The following RBM47 variants were observed in gnomAD, a reference collection of about 807,000 sequenced individuals.
The protein encoded by RBM47 is RNA binding motif protein 47.
Under a neutral mutation model 47.1 loss-of-function variants are expected in RBM47, and 21 were observed. The observed-to-expected ratio is 0.45, with a 90% CI of 0.32 to 0.64. The LOEUF (loss-of-function observed/expected upper bound fraction) is 0.64. Ranked by LOEUF, RBM47 falls within the 30% of genes least tolerant of loss-of-function variation. RBM47 has a pLI of 0.05. For missense variants in RBM47, 708 were observed against 870.9 expected, an observed-to-expected ratio of 0.81 and a Z score of 2.35; for synonymous variants, 375 against 361.7, an observed-to-expected ratio of 1.04 and a Z score of -0.42.
chr4:40,558,059 T>C (rs972881064), intron 1 of RBM47, among the ~76,000 whole-genome samples: 1 of 152,222 alleles, frequency 6.6e-6, no homozygotes, highest in African/African-American at 2.4e-5. Context: ...AAAGCTCCCA[T>C]AGTGGAGTTT....
At chr4:40,484,993 C>CTT (rs368591791) in intron 2 of RBM47, among the ~76,000 whole-genome samples, 3 of 151,070 alleles carry the variant, frequency 2.0e-5, no homozygotes, top group Admixed American at 6.6e-5. Flanking sequence ...AAGATTGTCT[C>CTT]TTTTTTTTTG....
intron 1 of RBM47, among the ~76,000 whole-genome samples, chr4:40,626,820 A>G (rs1294296325): frequency 6.6e-6 from 1 of 152,054 alleles, no homozygotes; most frequent in African/African-American, 2.4e-5. Context: ...ATTCAGGACC[A>G]CACACAAAAA....
chr4:40,568,428 C>CAAAAAAAAAAAAAAAAAAAAAAAAAAAA (rs35434439), intron 1 of RBM47, among the ~76,000 whole-genome samples: 1 of 57,578 alleles, frequency 1.7e-5, no homozygotes, highest in Non-Finnish European at 3.3e-5. Context: ...AACCCTGTCT[C>CAAAAAAAAAAAAAAAAAAAAAAAAAAAA]AAAAAAAAAA....
intron 1 of RBM47, among the ~76,000 whole-genome samples, chr4:40,563,613 T>G (rs1730835873): frequency 6.6e-6 from 1 of 152,240 alleles, no homozygotes; most frequent in African/African-American, 2.4e-5. Flanking sequence ...CCTTTCCCAC[T>G]GCACACATGG....
At chr4:40,630,374 C>G (rs1738120736), upstream of RBM47, 1 of 152,372 alleles carries the variant, frequency 6.6e-6, no homozygotes, top group Admixed American at 6.5e-5. Flanking sequence ...TTCTTCCCCC[C>G]ATAAACAAGT....
chr4:40,493,455 C>T (rs1160680895), intron 2 of RBM47, among the ~76,000 whole-genome samples: 1 of 152,142 alleles, frequency 6.6e-6, no homozygotes, highest in East Asian at 1.9e-4. Context: ...GAAATTCTTT[C>T]TTCACAAAGA....
chr4:40,482,159 C>A (rs1489804742), intron 2 of RBM47, among the ~76,000 whole-genome samples: 1 of 152,182 alleles, frequency 6.6e-6, no homozygotes, highest in Admixed American at 6.5e-5. Context: ...ATGGGAGCCA[C>A]CACAATCAGG....
chr4:40,543,603 G>A (rs1256224951), intron 2 of RBM47: 2 of 152,178 alleles, frequency 1.3e-5, no homozygotes, highest in Non-Finnish European at 2.9e-5. Context: ...AGACCAGCCT[G>A]GCCAACATGG....
chr4:40,454,623 G>A (rs1023028586), intron 3 of RBM47, among the ~76,000 whole-genome samples: 6 of 152,156 alleles, frequency 3.9e-5, no homozygotes, highest in Middle Eastern at 3.2e-3. Context: ...AGCCTCTCGA[G>A]TAGCTGGGAC....
At chr4:40,498,902 G>A (rs1454693533) in intron 2 of RBM47, among the ~76,000 whole-genome samples, 5 of 151,990 alleles carry the variant, frequency 3.3e-5, no homozygotes, top group South Asian at 2.1e-4. Flanking sequence ...AAAATTAGCC[G>A]GGCACGGTGG....
chr4:40,608,262 G>C (rs1735943231), intron 1 of RBM47, among the ~76,000 whole-genome samples: 2 of 152,146 alleles, frequency 1.3e-5, no homozygotes, highest in African/African-American at 4.8e-5. Context: ...ATAGTACAGT[G>C]AGTTGGACAC....
At position 40,436,554 on chromosome 4, in the gene RBM47, C is replaced by T. The variant is rs563265448; in HGVS notation, c.1217G>A (p.Gly406Asp). Residue 406 changes from glycine to aspartate, a missense_variant, in exon 5 of 7, where the codon GGT becomes GAT. Coordinates refer to ENST00000295971, the MANE Select transcript of RBM47 (RefSeq NM_001098634.2). ...SYLGGYSAGRGIYSRYHEGKG... is the reference protein window; with the variant it reads ...SYLGGYSAGRDIYSRYHEGKG... ...CCCTTCATGATATCGGCTATATATACCACGACCAGCAGAATATCCCCCGAG... is the reference window on the plus strand; with the variant it reads ...CCCTTCATGATATCGGCTATATATATCACGACCAGCAGAATATCCCCCGAG... 2.5e-6 allele frequency: 4 copies of T among 1,614,154 alleles called. No individual in the cohort carries two copies. Among genetic ancestry groups the T allele is most frequent in the South Asian group, 1.1e-5 (1 of 91,088 alleles).
At chr4:40,530,975 G>A (rs368466721) in intron 2 of RBM47, among the ~76,000 whole-genome samples, 2 of 152,076 alleles carry the variant, frequency 1.3e-5, no homozygotes, top group Non-Finnish European at 2.9e-5. Context: ...GGGTGCATGC[G>A]TGTAGTCCCA....
At chr4:40,467,521 C>A (rs190057706) in intron 2 of RBM47, among the ~76,000 whole-genome samples, 1 of 152,096 alleles carries the variant, frequency 6.6e-6, no homozygotes, top group African/African-American at 2.4e-5. Context: ...AAACTCCTGA[C>A]CTCAAGTGAT....
At chr4:40,538,272 T>C (rs556803665) in intron 2 of RBM47, among the ~76,000 whole-genome samples, 21 of 151,822 alleles carry the variant, frequency 1.4e-4, no homozygotes, top group African/African-American at 4.8e-4. Context: ...TAACTTCTAC[T>C]GCATTTTCAA....
intron 2 of RBM47, among the ~76,000 whole-genome samples, chr4:40,521,309 TCC>T (rs1246892527): frequency 5.3e-5 from 8 of 152,122 alleles, no homozygotes; most frequent in Non-Finnish European, 5.9e-5. Context: ...CAAGTGATTC[TCC>T]TGCCTCAGCC....
At chr4:40,563,878 A>T (rs1041267256) in intron 1 of RBM47, among the ~76,000 whole-genome samples, 2 of 152,164 alleles carry the variant, frequency 1.3e-5, no homozygotes, top group Non-Finnish European at 2.9e-5. Context: ...ATATTTTATG[A>T]TAGTCTCTAA....
chr4:40,434,315 C>T (rs889967010), intron 5 of RBM47, among the ~76,000 whole-genome samples: 2 of 152,124 alleles, frequency 1.3e-5, no homozygotes, highest in Admixed American at 6.6e-5. Context: ...ACAATGTTCT[C>T]ATTTTCTGGA....
At chr4:40,521,003 GC>G (rs1726141158) in intron 2 of RBM47, among the ~76,000 whole-genome samples, 2 of 152,150 alleles carry the variant, frequency 1.3e-5, no homozygotes, top group Non-Finnish European at 2.9e-5. Context: ...GGCAATGGTG[GC>G]TAAAACTTCT....
Sources: allele counts gnomAD v4.1 joint callset (sites outside exome capture counted in the v4.1 genomes callset), GRCh38; gene constraint gnomAD v4.1.1; transcripts MANE v1.5; gene names NCBI Gene and HGNC (gene_info 2026-07-23, HGNC 2026-07-21).